Variants in CDH8 observed in about 807,000 individuals in gnomAD.
CDH8 encodes the protein cadherin-8.
Under a neutral mutation model 68.1 loss-of-function variants are expected in CDH8, and 17 were observed. The observed-to-expected ratio is 0.25, with a 90% CI of 0.17 to 0.37. CDH8 has a LOEUF of 0.37. CDH8 is among the 10% of genes least tolerant of loss of function. The pLI, the probability that CDH8 is intolerant of heterozygous loss-of-function variation, is 1.00. For missense variants in CDH8, 763 were observed against 999.3 expected, an observed-to-expected ratio of 0.76 and a Z score of 3.19; for synonymous variants, 372 against 365.1, an observed-to-expected ratio of 1.02 and a Z score of -0.21.
chr16:61,659,289 A>G (rs1026813713), intron 10 of CDH8, among the ~76,000 whole-genome samples: 1 of 152,148 alleles, frequency 6.6e-6, no homozygotes, highest in Non-Finnish European at 1.5e-5. Context: ...CTTGGTAAGA[A>G]TGGTAAGACT....
chr16:62,035,665 C>T, intron 1 of CDH8, among the ~76,000 whole-genome samples: 1 of 152,170 alleles, frequency 6.6e-6, no homozygotes, highest in South Asian at 2.1e-4. Context: ...ACCCTCCGCA[C>T]AGCGGGCTGC....
intron 10 of CDH8, among the ~76,000 whole-genome samples, chr16:61,657,382 A>T (rs1963468443): frequency 6.6e-6 from 1 of 152,160 alleles, no homozygotes; most frequent in Non-Finnish European, 1.5e-5. Flanking sequence ...GCAGTCAAAT[A>T]GAAAAAGCAC....
chr16:61,758,716 A>AT (rs907254559), intron 8 of CDH8, among the ~76,000 whole-genome samples: 2 of 152,116 alleles, frequency 1.3e-5, no homozygotes, highest in African/African-American at 4.8e-5. Context: ...GAAAATATAT[A>AT]TTTTTTGATT....
intron 9 of CDH8, 62 bp from the exon 10 acceptor site, chr16:61,714,020 A>C (rs1370532406): frequency 6.2e-6 from 6 of 960,414 alleles, no homozygotes; most frequent in Non-Finnish European, 8.4e-6. Flanking sequence ...CCATCGGTAA[A>C]AGCTTAGTGA....
chr16:61,746,265 C>A (rs1207062282), intron 8 of CDH8, among the ~76,000 whole-genome samples: 2 of 152,124 alleles, frequency 1.3e-5, no homozygotes, highest in East Asian at 3.9e-4. Flanking sequence ...ACCCTGAAAT[C>A]TAACTTTTGT....
chr16:61,803,180 G>C (rs1340032564), intron 7 of CDH8, among the ~76,000 whole-genome samples: 2 of 93,790 alleles, frequency 2.1e-5, no homozygotes, highest in Non-Finnish European at 3.9e-5. Context: ...TTAAAGAAAA[G>C]AATTTTCAAC....
intron 2 of CDH8, among the ~76,000 whole-genome samples, chr16:61,906,001 C>T (rs1435368665): frequency 1.3e-5 from 2 of 151,418 alleles, no homozygotes; most frequent in Non-Finnish European, 2.9e-5. Context: ...TGAGAGAGAG[C>T]ATAGTATGGG....
intron 2 of CDH8, among the ~76,000 whole-genome samples, chr16:61,968,327 T>A (rs2150575351): frequency 6.6e-6 from 1 of 152,246 alleles, no homozygotes; most frequent in South Asian, 2.1e-4. Flanking sequence ...GAGTGATGTG[T>A]CAAGTTTTTC....
intron 4 of CDH8, among the ~76,000 whole-genome samples, chr16:61,829,330 CG>C (rs1419462235): frequency 1.3e-5 from 2 of 151,788 alleles, no homozygotes. Context: ...TCTTCCATGA[CG>C]GTCTCTCTTA....
chr16:61,917,076 T>C (rs919258169), intron 2 of CDH8, among the ~76,000 whole-genome samples: 1 of 150,184 alleles, frequency 6.7e-6, no homozygotes, highest in Non-Finnish European at 1.5e-5. Flanking sequence ...TGTGTGTGTG[T>C]GTGTGTGTGT....
intron 10 of CDH8, among the ~76,000 whole-genome samples, chr16:61,659,693 G>A (rs1381374964): frequency 6.6e-6 from 1 of 152,004 alleles, no homozygotes; most frequent in Non-Finnish European, 1.5e-5. Context: ...CATATGCTCT[G>A]CCCTAAGGTT....
intron 2 of CDH8, among the ~76,000 whole-genome samples, chr16:61,906,183 T>A (rs1182773193): frequency 6.6e-5 from 10 of 152,026 alleles, no homozygotes; most frequent in Non-Finnish European, 1.2e-4. Context: ...CAAAAAGGAG[T>A]TTGACTTCAT....
At chr16:61,999,968 C>T (rs182636025) in intron 2 of CDH8, among the ~76,000 whole-genome samples, 306 of 152,006 alleles carry the variant, frequency 2.0e-3, no homozygotes, top group African/African-American at 6.9e-3. Flanking sequence ...CCTTGCCCCC[C>T]GACCCCTGGC....
intron 4 of CDH8, among the ~76,000 whole-genome samples, chr16:61,833,414 C>T (rs1185674961): frequency 6.6e-6 from 1 of 151,610 alleles, no homozygotes; most frequent in Non-Finnish European, 1.5e-5. Context: ...TACATATATA[C>T]ACATGTCAAA....
intron 8 of CDH8, among the ~76,000 whole-genome samples, chr16:61,762,295 TTGTAC>T (rs1960490764): frequency 6.6e-6 from 1 of 152,160 alleles, no homozygotes; most frequent in African/African-American, 2.4e-5. Flanking sequence ...GGTTATAGTA[TTGTAC>T]TATATAGTTT....
At chr16:61,862,125 CA>C (rs1963161463) in intron 3 of CDH8, among the ~76,000 whole-genome samples, 1 of 131,318 alleles carries the variant, frequency 7.6e-6, no homozygotes, top group Non-Finnish European at 1.6e-5. Flanking sequence ...AAAACACACA[CA>C]AACACCACTC....
At chr16:61,729,542 C>T (rs1959476852) in intron 8 of CDH8, among the ~76,000 whole-genome samples, 1 of 151,114 alleles carries the variant, frequency 6.6e-6, no homozygotes, top group Non-Finnish European at 1.5e-5. Flanking sequence ...CCTATTTCAC[C>T]CAACTGGAGT....
intron 10 of CDH8, among the ~76,000 whole-genome samples, chr16:61,708,115 A>G (rs1021137012): frequency 7.9e-5 from 12 of 152,126 alleles, no homozygotes; most frequent in Admixed American, 7.9e-4. Flanking sequence ...AGCATGTACC[A>G]ATTTATTTTG....
intron 7 of CDH8, among the ~76,000 whole-genome samples, chr16:61,797,309 G>C (rs750247349): frequency 2.6e-5 from 4 of 151,934 alleles, no homozygotes; most frequent in Non-Finnish European, 5.9e-5. Flanking sequence ...TTTGAATGTC[G>C]TGGATCTTTC....
Sources: allele counts gnomAD v4.1 joint callset (sites outside exome capture counted in the v4.1 genomes callset), GRCh38; gene constraint gnomAD v4.1.1; transcripts MANE v1.5; gene names NCBI Gene and HGNC (gene_info 2026-07-23, HGNC 2026-07-21).